RIMKLA: variants seen among roughly 807,000 people sequenced by gnomAD.
The protein encoded by RIMKLA is ribosomal modification protein rimK like family member A.
A neutral mutation model predicts 32.7 loss-of-function variants in RIMKLA; 14 were observed. The ratio of observed to expected loss-of-function variants is 0.43; its 90% CI spans 0.28 to 0.67. RIMKLA has a LOEUF of 0.67. Among genes scored for constraint, RIMKLA ranks in the 30% least tolerant of loss-of-function variants. The pLI, the probability that RIMKLA is intolerant of heterozygous loss-of-function variation, is 0.18. For missense variants in RIMKLA, 410 were observed against 519.0 expected, an observed-to-expected ratio of 0.79 and a Z score of 2.04; for synonymous variants, 176 against 204.1, an observed-to-expected ratio of 0.86 and a Z score of 1.18.
intron 1 of RIMKLA, among the ~76,000 whole-genome samples, chr1:42,397,787 T>C (rs1471152796): frequency 6.6e-6 from 1 of 152,224 alleles, no homozygotes; most frequent in Non-Finnish European, 1.5e-5. Flanking sequence ...TCAAGGTTAA[T>C]TAGAGCAGAC....
intron 1 of RIMKLA, chr1:42,396,617 T>C (rs1643050471): frequency 6.6e-6 from 1 of 152,192 alleles, no homozygotes. Flanking sequence ...GAAGTTTAAC[T>C]GTTTGTCTGT....
At chr1:42,381,920 C>T (rs1162034071) in intron 1 of RIMKLA, among the ~76,000 whole-genome samples, 1 of 152,198 alleles carries the variant, frequency 6.6e-6, no homozygotes, top group African/African-American at 2.4e-5. Context: ...TCTGGGGCTC[C>T]ACTGGAGGCA....
intron 1 of RIMKLA, among the ~76,000 whole-genome samples, chr1:42,386,355 C>T (rs1642946944): frequency 1.3e-5 from 2 of 152,042 alleles, no homozygotes; most frequent in Admixed American, 6.6e-5. Flanking sequence ...ATCCACACCT[C>T]ACCTCCTTGC....
At chr1:42,384,634 GTA>G (rs34388220) in intron 1 of RIMKLA, among the ~76,000 whole-genome samples, 91,713 of 147,080 alleles carry the variant, frequency 0.62, 28,993 homozygotes, top group African/African-American at 0.71. Flanking sequence ...ATGTGTGTGT[GTA>G]TATATATATA....
chr1:42,394,871 G>A (rs912577566), intron 1 of RIMKLA, among the ~76,000 whole-genome samples: 2 of 152,078 alleles, frequency 1.3e-5, no homozygotes, highest in Admixed American at 6.5e-5. Context: ...CAAGTAGCTG[G>A]GATTACAGGC....
chr1:42,410,851 G>A (rs1376924509), intron 4 of RIMKLA, among the ~76,000 whole-genome samples: 2 of 152,050 alleles, frequency 1.3e-5, no homozygotes, highest in Non-Finnish European at 2.9e-5. Flanking sequence ...ACAATCACTA[G>A]TTATTATTTC....
chr1:42,387,260 CA>C (rs1302854040), intron 1 of RIMKLA, among the ~76,000 whole-genome samples: 1 of 149,680 alleles, frequency 6.7e-6, no homozygotes, highest in Non-Finnish European at 1.5e-5. Context: ...TTATTTATTC[CA>C]AAAAATAAAA....
In RIMKLA at chr1:42,399,451, C is replaced by A. The variant is rs138538645; in HGVS notation, c.211C>A (p.Leu71Ile). ...CCTCACCACTTTCCCGGATGTGGTG[C>A]TTGTACGGGTACCCACACCCTCAGT... The part of the protein sequence containing the change: ...KALTTFPDVV[L>I]VRVPTPSVQS... The change falls in exon 2 of 5, where the codon CTT becomes ATT. Residue 71 changes from leucine (L) to isoleucine (I), a missense_variant. Coordinates refer to ENST00000431473, the MANE Select transcript of RIMKLA (RefSeq NM_173642.4). 2.5e-6 allele frequency: 4 copies of A among 1,613,104 alleles called. No homozygotes were observed. The highest frequency in any genetic ancestry group is 3.4e-6 in the Non-Finnish European group (4 of 1,179,660).
Position 42,414,902 on chromosome 1 carries a change from C to T in RIMKLA, c.1104C>T (p.Ala368=), listed in dbSNP as rs749741309. 1 of 1,614,114 alleles carries T rather than the reference C, an allele frequency of 6.2e-7. No homozygotes were observed. The highest frequency in any genetic ancestry group is 1.1e-5 in the South Asian group (1 of 91,074). ...IRDSSASTMG[A]PPSMLPEPGY... is the part of the protein sequence containing the mutation. ...ATTCCTCAGCAAGCACAATGGGGGCCCCACCCTCCATGCTGCCCGAACCTG... is the reference window on the plus strand; with the variant it reads ...ATTCCTCAGCAAGCACAATGGGGGCTCCACCCTCCATGCTGCCCGAACCTG... The change falls in exon 5 of 5, where the codon GCC becomes GCT. Residue 368 remains alanine, a synonymous_variant. Coordinates refer to ENST00000431473, the MANE Select transcript of RIMKLA (RefSeq NM_173642.4).
At chr1:42,389,459 G>A (rs1642977776) in intron 1 of RIMKLA, among the ~76,000 whole-genome samples, 1 of 148,990 alleles carries the variant, frequency 6.7e-6, no homozygotes, top group East Asian at 2.0e-4. Context: ...TGGGTGTCCT[G>A]TAAGCCAAGT....
intron 1 of RIMKLA, among the ~76,000 whole-genome samples, chr1:42,381,336 A>T (rs948579838): frequency 6.6e-6 from 1 of 152,160 alleles, no homozygotes; most frequent in Non-Finnish European, 1.5e-5. Flanking sequence ...TACTTAGGGG[A>T]CTTCATTTTG....
chr1:42,414,551 C>T lies in RIMKLA; in HGVS notation c.753C>T (p.Ile251=). ...GKQLAIQVSN[I]LGMDFCGIDL... is the part of the protein sequence containing the mutation. ...AGTTGGCTATTCAGGTGTCCAACAT[C>T]CTAGGCATGGACTTCTGTGGCATTG... Residue 251 remains isoleucine (I), a synonymous_variant, in exon 5 of 5, where the codon ATC becomes ATT. Coordinates refer to ENST00000431473, the MANE Select transcript of RIMKLA (RefSeq NM_173642.4). 1 of 1,614,202 alleles carries T rather than the reference C, an allele frequency of 6.2e-7. No homozygotes were observed. The highest frequency in any genetic ancestry group is 8.5e-7 in the Non-Finnish European group (1 of 1,180,022).
At position 42,415,895 on chromosome 1, in the gene RIMKLA, T is replaced by C. The variant is rs1643242309; in HGVS notation, c.*921T>C. The stretch of plus-strand genomic sequence containing the variant: ...TTCTTCCCCTCCTCTACTGAAACTT[T>C]GTGTACTGCTTAGCTGTAGGGGGTT... On this transcript the variant is annotated 3_prime_UTR_variant, in exon 5 of 5. Coordinates refer to ENST00000431473, the MANE Select transcript of RIMKLA (RefSeq NM_173642.4). The C allele has an allele frequency of 6.6e-6, 1 of 152,220 alleles. No individual in the cohort carries two copies. The highest frequency in any genetic ancestry group is 2.4e-5 in the African/African-American group (1 of 41,458). The allele number at this position is 152,220 out of a possible 1,614,324, so 9.4% of individuals were successfully genotyped here.
At chr1:42,383,564 G>A (rs1642909485) in intron 1 of RIMKLA, among the ~76,000 whole-genome samples, 2 of 152,054 alleles carry the variant, frequency 1.3e-5, no homozygotes, top group Admixed American at 6.5e-5. Context: ...AATTTGCCGA[G>A]CCAAAGTATT....
At chr1:42,402,644 G>A (rs185559098) in intron 2 of RIMKLA, among the ~76,000 whole-genome samples, 108 of 147,900 alleles carry the variant, frequency 7.3e-4, no homozygotes, top group Admixed American at 1.2e-3. Context: ...AGGGTGTACT[G>A]CAGTGGCATG....
intron 1 of RIMKLA, among the ~76,000 whole-genome samples, chr1:42,382,978 C>T (rs995644855): frequency 1.3e-5 from 2 of 151,852 alleles, no homozygotes; most frequent in East Asian, 1.9e-4. Context: ...CTGTCTCAGC[C>T]TCCTGAGTAG....
At chr1:42,381,240 G>A in intron 1 of RIMKLA, 143 bp downstream of exon 1, 1 of 568,342 alleles carries the variant, frequency 1.8e-6, no homozygotes, top group Non-Finnish European at 2.6e-6. Context: ...GAGACTTCTT[G>A]GGGTTGGAGA....
Position 42,415,112 on chromosome 1 carries a change from G to A in RIMKLA, c.*138G>A, listed in dbSNP as rs1051007358. On this transcript the variant is annotated 3_prime_UTR_variant, in exon 5 of 5. Transcript: ENST00000431473. ...CTGGGCACTCAGCATTTTTTCTAAC[G>A]ATGATTTAAGCAAATGGCCTAGCTT... 37 of 936,626 alleles carry A rather than the reference G, an allele frequency of 4.0e-5. No homozygotes were observed. The highest frequency in any genetic ancestry group is 1.8e-4 in the Admixed American group (7 of 38,088). 58.0% of individuals were successfully genotyped at this position (936,626 alleles called of 1,614,324 possible). A position where few individuals can be genotyped will look rare whatever the true frequency, so the allele number is the denominator to read the frequency against.
rs532376895 is a variant in RIMKLA, at chr1:42,413,731, G to T, written c.686-753G>T. Among the ~76,000 whole-genome samples the T allele has an allele frequency of 1.3e-5, 2 of 151,156 alleles. 1 individual carries two copies. The highest frequency in any genetic ancestry group is 4.2e-4 in the South Asian group (2 of 4,720). ...TCCCATGTAATTACAAGCTGTCTGTGGGCATTATTATTTGTTTTTGGAACA... is the reference window on the plus strand; with the variant it reads ...TCCCATGTAATTACAAGCTGTCTGTTGGCATTATTATTTGTTTTTGGAACA... On this transcript the variant is annotated intron_variant, in intron 4 of 4. Coordinates refer to ENST00000431473, the MANE Select transcript of RIMKLA (RefSeq NM_173642.4).
Sources: allele counts gnomAD v4.1 joint callset (sites outside exome capture counted in the v4.1 genomes callset), GRCh38; gene constraint gnomAD v4.1.1; transcripts MANE v1.5; gene names NCBI Gene and HGNC (gene_info 2026-07-23, HGNC 2026-07-21).